Variants in CDH4 observed in about 807,000 individuals in gnomAD.
CDH4 encodes cadherin 4, also known as cadherin-4.
A neutral mutation model predicts 86.0 loss-of-function variants in CDH4; 33 were observed. The ratio of observed to expected loss-of-function variants is 0.38; its 90% CI spans 0.29 to 0.51. The LOEUF (loss-of-function observed/expected upper bound fraction) is 0.51. CDH4 is among the 20% of genes least tolerant of loss of function. The pLI, the probability that CDH4 is intolerant of heterozygous loss-of-function variation, is 0.86. For missense variants in CDH4, 1,114 were observed against 1,307.4 expected (o/e 0.85, Z 2.28); for synonymous variants, 555 against 549.4 (o/e 1.01, Z -0.14).
intron 2 of CDH4, among the ~76,000 whole-genome samples, chr20:61,587,199 G>A (rs1293766588): frequency 1.3e-5 from 2 of 152,220 alleles, no homozygotes; most frequent in Non-Finnish European, 2.9e-5. Context: ...TCGGGGCAGG[G>A]GAGAGTGGGA....
chr20:61,771,779 G>T (rs2088778975), intron 3 of CDH4, among the ~76,000 whole-genome samples: 1 of 152,214 alleles, frequency 6.6e-6, no homozygotes, highest in African/African-American at 2.4e-5. Context: ...CATGAACACA[G>T]TGTAATGCGT....
At chr20:61,466,623 G>C (rs2427120) in intron 2 of CDH4, among the ~76,000 whole-genome samples, 119,802 of 151,980 alleles carry the variant, frequency 0.79, 48,343 homozygotes, top group African/African-American at 0.95. Flanking sequence ...GTGGGTGAAT[G>C]ACTTGAGGCC....
Position 61,284,076 on chromosome 20 carries a change from C to T in CDH4, c.169+29139C>T, listed in dbSNP as rs917560220. On this transcript the variant is annotated intron_variant, in intron 2 of 15. Transcript: ENST00000614565. ...AATCCCAGCACTTTGGAGGACAAGG[C>T]GGGTGGATCACAAGGTCAGGAGATC... Among the ~76,000 whole-genome samples the T allele has an allele frequency of 4.6e-5, 7 of 150,916 alleles. No homozygotes were observed. In the South Asian group the frequency reaches 1.5e-3, roughly 32 times the overall value.
At chr20:61,887,040 G>T (rs1271613882) in intron 7 of CDH4, among the ~76,000 whole-genome samples, 1 of 152,220 alleles carries the variant, frequency 6.6e-6, no homozygotes, top group African/African-American at 2.4e-5. Flanking sequence ...AGCCACGTCT[G>T]CAAGGAGGCC....
intron 2 of CDH4, among the ~76,000 whole-genome samples, chr20:61,727,343 TCATCACCATTGGTAC>T (rs376002082): frequency 0.018 from 2,663 of 151,916 alleles, 73 homozygotes; most frequent in African/African-American, 0.06. Context: ...ATCGGTGCCT[TCATCACCATTGGTAC>T]CATCATCATC....
rs550434729 is a variant in CDH4, at chr20:61,396,436, G to T, written c.169+141499G>T. On this transcript the variant is annotated intron_variant, in intron 2 of 15. Coordinates refer to ENST00000614565, the MANE Select transcript of CDH4 (RefSeq NM_001794.5). The stretch of plus-strand genomic sequence containing the variant: ...GGAAAGCACGTGGACTTCCCAGGAT[G>T]CTGGCAGCGTCCGGTGTTTCTCAAA... Among the ~76,000 whole-genome samples, 436 of 152,334 alleles carry T rather than the reference G, an allele frequency of 2.9e-3. 1 individual carries two copies. The highest frequency in any genetic ancestry group is 4.2e-3 in the Non-Finnish European group (283 of 68,034).
At chr20:61,904,898 C>T (rs2054771939) in intron 8 of CDH4, among the ~76,000 whole-genome samples, 1 of 152,242 alleles carries the variant, frequency 6.6e-6, no homozygotes, top group Non-Finnish European at 1.5e-5. Flanking sequence ...AAGGGAACAG[C>T]TGGGTGGGTT....
chr20:61,321,400 AT>A (rs900222003), intron 2 of CDH4, among the ~76,000 whole-genome samples: 13 of 151,776 alleles, frequency 8.6e-5, no homozygotes, highest in Non-Finnish European at 1.6e-4. Context: ...TTTGCTGGAA[AT>A]TTTTTTTTAA....
At chr20:61,701,828 C>G (rs1274725540) in intron 2 of CDH4, among the ~76,000 whole-genome samples, 4 of 152,204 alleles carry the variant, frequency 2.6e-5, no homozygotes, top group Admixed American at 2.6e-4. Context: ...TTTGGGATAT[C>G]CAGGTGAGCC....
intron 2 of CDH4, among the ~76,000 whole-genome samples, chr20:61,704,543 G>GGC (rs1293774979): frequency 5.3e-5 from 8 of 152,312 alleles, no homozygotes; most frequent in African/African-American, 1.7e-4. Flanking sequence ...CAGGTTGCTT[G>GGC]GCAGGGGTGG....
chr20:61,503,788 T>A (rs1350514576), intron 2 of CDH4, among the ~76,000 whole-genome samples: 1 of 152,238 alleles, frequency 6.6e-6, no homozygotes, highest in Non-Finnish European at 1.5e-5. Flanking sequence ...TTAAACAATT[T>A]GTATTGAATG....
chr20:61,706,410 C>T (rs1240404513), intron 2 of CDH4, among the ~76,000 whole-genome samples: 3 of 152,194 alleles, frequency 2.0e-5, no homozygotes, highest in Non-Finnish European at 4.4e-5. Context: ...TCATTTGCCG[C>T]AGACCCCCTT....
intron 2 of CDH4, among the ~76,000 whole-genome samples, chr20:61,611,551 G>A (rs2086685451): frequency 6.6e-6 from 1 of 151,982 alleles, no homozygotes; most frequent in African/African-American, 2.4e-5. Context: ...TCTTTGCTGG[G>A]ACCTCAGCTG....
At position 61,354,148 on chromosome 20, in the gene CDH4, C is replaced by T. The variant is rs1380496200; in HGVS notation, c.169+99211C>T. ...GTGTAGGTGGAGGCCAGGGTGCCGCCGACCGTCCTACAGTGCTTAGGACGC... is the reference window on the plus strand; with the variant it reads ...GTGTAGGTGGAGGCCAGGGTGCCGCTGACCGTCCTACAGTGCTTAGGACGC... On this transcript the variant is annotated intron_variant, in intron 2 of 15. Transcript: ENST00000614565. Among the ~76,000 whole-genome samples, 6 of 151,950 alleles carry T rather than the reference C, an allele frequency of 3.9e-5. No homozygotes were observed. The South Asian group carries it at 1.3e-3, about 32-fold the overall frequency.
intron 2 of CDH4, among the ~76,000 whole-genome samples, chr20:61,728,943 G>A (rs927979635): frequency 5.9e-5 from 9 of 152,160 alleles, no homozygotes; most frequent in Admixed American, 2.6e-4. Context: ...GACACCGCTG[G>A]CCCTGGGAGA....
chr20:61,573,169 A>T (rs4331590), intron 2 of CDH4, among the ~76,000 whole-genome samples: 1 of 151,978 alleles, frequency 6.6e-6, no homozygotes, highest in African/African-American at 2.4e-5. Flanking sequence ...AGAGAGAGTG[A>T]GCTGATGGGG....
intron 2 of CDH4, among the ~76,000 whole-genome samples, chr20:61,682,464 G>C (rs2087527221): frequency 7.0e-6 from 1 of 143,542 alleles, no homozygotes; most frequent in Admixed American, 6.9e-5. Flanking sequence ...GGGAGGGAGG[G>C]ATGGATGGAT....
chr20:61,863,294 G>T (rs1008748254), intron 6 of CDH4, among the ~76,000 whole-genome samples: 2 of 152,232 alleles, frequency 1.3e-5, no homozygotes, highest in African/African-American at 4.8e-5. Context: ...GCCGGGGCGG[G>T]GGATGCTGTC....
At chr20:61,336,627 C>T (rs1469398111) in intron 2 of CDH4, among the ~76,000 whole-genome samples, 3 of 152,154 alleles carry the variant, frequency 2.0e-5, no homozygotes, top group African/African-American at 4.8e-5. Context: ...GGAAGGAAGC[C>T]AGGGCCTTCT....
Sources: allele counts gnomAD v4.1 joint callset (sites outside exome capture counted in the v4.1 genomes callset), GRCh38; gene constraint gnomAD v4.1.1; transcripts MANE v1.5; gene names NCBI Gene and HGNC (gene_info 2026-07-23, HGNC 2026-07-21).